The following PIK3C2G variants were observed in gnomAD, a reference collection of about 807,000 sequenced individuals.
PIK3C2G encodes phosphatidylinositol 3-kinase C2 domain-containing subunit gamma.
In PIK3C2G, 168 loss-of-function variants were observed where a neutral mutation model predicts 181.1. That is an observed-to-expected ratio of 0.93 (90% CI 0.82 to 1.05). The LOEUF (loss-of-function observed/expected upper bound fraction) is 1.05, where lower values mean the gene tolerates loss of function less well. PIK3C2G is among the 50% of genes least tolerant of loss of function. The pLI is 0.00. For missense variants in PIK3C2G, 1,869 were observed against 1,732.8 expected, an observed-to-expected ratio of 1.08 and a Z score of -1.40; for synonymous variants, 573 against 592.2, an observed-to-expected ratio of 0.97 and a Z score of 0.47.
chr12:18,248,419 C>CA (rs1190081546), intron 1 of PIK3C2G, among the ~76,000 whole-genome samples: 3 of 151,954 alleles, frequency 2.0e-5, no homozygotes, highest in African/African-American at 4.8e-5. Context: ...AAAAAAAATA[C>CA]AAAAAATTAG....
intron 24 of PIK3C2G, among the ~76,000 whole-genome samples, chr12:18,524,734 T>C (rs1384807922): frequency 6.6e-6 from 1 of 151,680 alleles, no homozygotes; most frequent in Non-Finnish European, 1.5e-5. Flanking sequence ...CCTGGCTAAT[T>C]TTTTTGTATT....
At chr12:18,725,567 A>T in the PIK3C2G span, among the ~76,000 whole-genome samples, 3 of 151,774 alleles carry the variant, frequency 2.0e-5, no homozygotes, top group Admixed American at 2.0e-4. Flanking sequence ...GACCATCTCA[A>T]CTCCCTCTTA....
intron 8 of PIK3C2G, among the ~76,000 whole-genome samples, chr12:18,327,691 A>G (rs1951408414): frequency 6.6e-6 from 1 of 152,054 alleles, no homozygotes; most frequent in Non-Finnish European, 1.5e-5. Context: ...TCTTAATTTT[A>G]TAGAAATTGA....
At chr12:18,658,243 G>A in the PIK3C2G span, among the ~76,000 whole-genome samples, 1 of 152,028 alleles carries the variant, frequency 6.6e-6, no homozygotes. Context: ...CATCCCAGAA[G>A]ATAAGAGAGA....
intron 29 of PIK3C2G, among the ~76,000 whole-genome samples, chr12:18,582,678 C>A (rs1946564198): frequency 6.6e-6 from 1 of 152,146 alleles, no homozygotes; most frequent in Admixed American, 6.5e-5. Flanking sequence ...TCAGTCACTA[C>A]GGTAGCAGCA....
At chr12:18,268,923 C>G (rs1033802263) in intron 1 of PIK3C2G, among the ~76,000 whole-genome samples, 1 of 146,606 alleles carries the variant, frequency 6.8e-6, no homozygotes, top group African/African-American at 2.5e-5. Context: ...AGATTTCTTT[C>G]TTTTTTTTTT....
At chr12:18,480,329 AG>A (rs1939429880) in intron 18 of PIK3C2G, among the ~76,000 whole-genome samples, 1 of 152,194 alleles carries the variant, frequency 6.6e-6, no homozygotes, top group African/African-American at 2.4e-5. Flanking sequence ...CTTACACTAA[AG>A]CAGTAAGTGT....
chr12:18,545,545 G>T (rs1944378847), intron 25 of PIK3C2G, among the ~76,000 whole-genome samples: 1 of 150,664 alleles, frequency 6.6e-6, no homozygotes, highest in Non-Finnish European at 1.5e-5. Context: ...AGTTTAGAAA[G>T]TTCTATTATT....
intron 7 of PIK3C2G, among the ~76,000 whole-genome samples, chr12:18,324,648 T>G (rs1951254242): frequency 6.6e-6 from 1 of 152,198 alleles, no homozygotes; most frequent in African/African-American, 2.4e-5. Flanking sequence ...AGCCATTAAT[T>G]CCAAATGCAA....
At chr12:18,441,650 C>T (rs991739407) in intron 18 of PIK3C2G, among the ~76,000 whole-genome samples, 1 of 152,064 alleles carries the variant, frequency 6.6e-6, no homozygotes, top group Non-Finnish European at 1.5e-5. Flanking sequence ...GTGAAGGAAG[C>T]AAAGTCATCT....
At position 18,609,480 on chromosome 12, in the gene PIK3C2G, T is replaced by C. The variant is rs76714154; in HGVS notation, c.4088-55T>C. 3,141 of 973,474 alleles carry C rather than the reference T, an allele frequency of 3.2e-3. 67 individuals are homozygous for C. In the African/African-American group the frequency reaches 0.043, roughly 13 times the overall value. The allele number at this position is 973,474 out of a possible 1,614,324, so 60.3% of individuals were successfully genotyped here. ...GTTTTAGTTTTTAAATGTTTGATTG[T>C]TCCTGTGCTGAGCTTTTTCCAACTG... On this transcript the variant is annotated intron_variant, in intron 30 of 32. Coordinates refer to ENST00000538779, the MANE Select transcript of PIK3C2G (RefSeq NM_001288772.2).
intron 32 of PIK3C2G, 28 bp downstream of exon 32, chr12:18,640,582 C>A (rs1949795255): frequency 3.2e-6 from 5 of 1,553,942 alleles, no homozygotes; most frequent in South Asian, 2.4e-5. Flanking sequence ...TTTGTCCAGT[C>A]ATTTTGTATT....
chr12:18,561,747 A>T (rs1001997161), intron 26 of PIK3C2G, among the ~76,000 whole-genome samples: 4 of 150,804 alleles, frequency 2.7e-5, no homozygotes, highest in African/African-American at 9.9e-5. Context: ...TTTCTTAAAT[A>T]CAAAAAAAAA....
intron 32 of PIK3C2G, 68 bp downstream of exon 32, chr12:18,640,622 A>C: frequency 7.1e-7 from 1 of 1,404,944 alleles, no homozygotes. Context: ...TTAACAACCA[A>C]ATATGGAAAA....
At chr12:18,243,188 G>A (rs565206747), upstream of PIK3C2G, among the ~76,000 whole-genome samples, 34 of 119,188 alleles carry the variant, frequency 2.9e-4, no homozygotes, top group African/African-American at 7.4e-4. Flanking sequence ...ATCCTATAAA[G>A]TCTTTCTGTG....
At chr12:18,681,283 G>A in the PIK3C2G span, among the ~76,000 whole-genome samples, 2 of 151,992 alleles carry the variant, frequency 1.3e-5, no homozygotes, top group African/African-American at 2.4e-5. Context: ...GCAGAACACG[G>A]ATGGCTTCCC....
At chr12:18,529,394 A>T (rs1045202165) in intron 24 of PIK3C2G, among the ~76,000 whole-genome samples, 2 of 152,168 alleles carry the variant, frequency 1.3e-5, no homozygotes, top group Non-Finnish European at 2.9e-5. Context: ...AGCTCATGTA[A>T]GTTAAACATT....
chr12:18,546,656 C>T (rs1944446618), intron 26 of PIK3C2G, among the ~76,000 whole-genome samples: 1 of 152,026 alleles, frequency 6.6e-6, no homozygotes, highest in African/African-American at 2.4e-5. Flanking sequence ...TAACCAGCCT[C>T]TTCATCTAAC....
At position 18,609,642 on chromosome 12, in the gene PIK3C2G, T is replaced by C. The variant is rs2277327; in HGVS notation, c.4182+13T>C. ...CATGAAAAACATTGTAAGTTTATTATGTATAATAAGAAACATGTAAGCCTA... is the reference window on the plus strand; with the variant it reads ...CATGAAAAACATTGTAAGTTTATTACGTATAATAAGAAACATGTAAGCCTA... On this transcript the variant is annotated intron_variant, in intron 31 of 32. Transcript: ENST00000538779. The C allele has an allele frequency of 2.7e-6, 4 of 1,467,530 alleles. No homozygotes were observed. Among genetic ancestry groups the C allele is most frequent in the South Asian group, 2.4e-5 (2 of 82,224 alleles). The allele number at this position is 1,467,530 out of a possible 1,614,324, so 90.9% of individuals were successfully genotyped here.
Sources: gnomAD v4.1 joint callset for allele counts (sites outside exome capture counted in the v4.1 genomes callset) on GRCh38, gnomAD v4.1.1 for gene constraint, MANE v1.5 for transcripts, NCBI Gene and HGNC (gene_info 2026-07-23, HGNC 2026-07-21) for gene names.